The following TAF5L variants were observed in gnomAD, a reference collection of about 807,000 sequenced individuals.
TAF5L encodes TAF5-like RNA polymerase II p300/CBP-associated factor-associated factor 65 kDa subunit 5L.
Under a neutral mutation model 51.3 loss-of-function variants are expected in TAF5L, and 7 were observed. The observed-to-expected ratio is 0.14, with a 90% CI of 0.08 to 0.26. The LOEUF (loss-of-function observed/expected upper bound fraction) is 0.26. Ranked by LOEUF, TAF5L falls within the 10% of genes least tolerant of loss-of-function variation. The probability of loss-of-function intolerance (pLI) is 1.00; values close to 1 mark genes in which losing one functional copy is unlikely to be tolerated. For synonymous variants in TAF5L, 291 were observed against 308.1 expected (o/e 0.94, Z 0.58); for missense variants, 575 against 758.9 (o/e 0.76, Z 2.85).
intron 3 of TAF5L, 136 bp from the exon 4 acceptor site, chr1:229,603,055 A>AT: frequency 1.4e-6 from 2 of 1,402,380 alleles, no homozygotes; most frequent in Admixed American, 6.3e-5. Context: ...TTGAACTATA[A>AT]GCCCAACACA....
chr1:229,600,680 C>T (rs1297457438), intron 4 of TAF5L: 1 of 985,422 alleles, frequency 1.0e-6, no homozygotes, highest in Non-Finnish European at 1.2e-6. Context: ...TCTTTCAGTT[C>T]CTGGAATTCC....
intron 4 of TAF5L, chr1:229,600,713 G>A (rs1664341862): frequency 2.0e-6 from 2 of 985,380 alleles, no homozygotes; most frequent in Non-Finnish European, 2.4e-6. Context: ...TCACTTCTGA[G>A]TCTTCAGATA....
chr1:229,614,332 CACCATT>C lies in TAF5L; in HGVS notation c.142+3_142+8del. The C allele has an allele frequency of 1.9e-6, 3 of 1,614,238 alleles. No homozygotes were observed. The highest frequency in any genetic ancestry group is 2.5e-6 in the Non-Finnish European group (3 of 1,180,046). On this transcript the variant is annotated splice_donor_5th_base_variant and intron_variant, in intron 2 of 4. Coordinates refer to ENST00000258281, the Ensembl canonical transcript of TAF5L. ...AGGCTCACCCCACCAGACGAGCCCCCACCATTACCTGTTAGATTGGCCGCCATCTCT... is the reference window on the plus strand; with the variant it reads ...AGGCTCACCCCACCAGACGAGCCCCCACCTGTTAGATTGGCCGCCATCTCT...
intron 4 of TAF5L, chr1:229,600,150 T>G: frequency 1.0e-6 from 1 of 985,424 alleles, no homozygotes; most frequent in Non-Finnish European, 1.2e-6. Flanking sequence ...GGAGAAACAT[T>G]AAACACCAAC....
chr1:229,599,249 T>G (rs756215207), intron 4 of TAF5L: 56 of 917,944 alleles, frequency 6.1e-5, no homozygotes, highest in Non-Finnish European at 7.1e-5. Flanking sequence ...TAAGCTTACA[T>G]AGAAGATTTT....
At chr1:229,601,372 G>T in intron 4 of TAF5L, 2 of 985,372 alleles carry the variant, frequency 2.0e-6, no homozygotes, top group African/African-American at 3.5e-5. Flanking sequence ...AATTTCAGTG[G>T]TGATAAGACA....
rs1365004783 is a variant in TAF5L at position 229,610,042 on chromosome 1, C to G, written c.247+64G>C. The G allele has an allele frequency of 4.2e-6, 6 of 1,421,130 alleles. No individual in the cohort carries two copies. In the African/African-American group the frequency reaches 7.1e-5, roughly 17 times the overall value. The allele number at this position is 1,421,130 out of a possible 1,614,324, so 88.0% of individuals were successfully genotyped here. ...GCAGGGCTAACTCACAAGCAGTGTG[C>G]CCAAAGTTGGTCTGTATTACTCTGT... On this transcript the variant is annotated intron_variant, in intron 3 of 4. Coordinates refer to ENST00000258281, the Ensembl canonical transcript of TAF5L.
At chr1:229,615,882 T>G (rs1386748259) in intron 1 of TAF5L, among the ~76,000 whole-genome samples, 1 of 152,238 alleles carries the variant, frequency 6.6e-6, no homozygotes, top group Non-Finnish European at 1.5e-5. Flanking sequence ...CAAAGTAACA[T>G]TCTCTAAATC....
chr1:229,610,890 A>G (rs576744597), intron 2 of TAF5L, among the ~76,000 whole-genome samples: 1 of 152,228 alleles, frequency 6.6e-6, no homozygotes, highest in East Asian at 1.9e-4. Context: ...CTTTTCCCCT[A>G]AACACGCTAT....
exon 5 of TAF5L, chr1:229,595,064 T>C (rs773916968): frequency 1.2e-6 from 2 of 1,607,000 alleles, no homozygotes; most frequent in South Asian, 2.2e-5. Context: ...AGTATCTTCA[T>C]CTCCGTGCCT....
intron 1 of TAF5L, among the ~76,000 whole-genome samples, chr1:229,615,671 T>C (rs1331983146): frequency 1.3e-5 from 2 of 151,076 alleles, no homozygotes; most frequent in African/African-American, 4.9e-5. Context: ...TTATCAACAA[T>C]GACAGGAACC....
intron 4 of TAF5L, among the ~76,000 whole-genome samples, chr1:229,596,487 G>A (rs1015236553): frequency 1.3e-5 from 2 of 152,166 alleles, no homozygotes. Flanking sequence ...TTTCTGGAGG[G>A]TCTCAAAAAA....
chr1:229,594,693 C>A lies in TAF5L; in HGVS notation c.1374G>T (p.Gly458=). 6.2e-7 allele frequency: 1 copy of A among 1,614,208 alleles called. No homozygotes were observed. The highest frequency in any genetic ancestry group is 1.1e-5 in the South Asian group (1 of 91,086). The stretch of plus-strand genomic sequence containing the variant: ...GGCCTGTGAAAAGCCTCACCGAGTT[C>A]CCCTGCTGAGCGCTCCACAGCCGGA... The change falls in exon 5 of 5, where the codon GGG becomes GGT. Residue 458 remains glycine, a synonymous_variant. Coordinates refer to ENST00000258281, the Ensembl canonical transcript of TAF5L. The surrounding 1 kb of genome is among the most constrained non-coding windows in gnomAD (Gnocchi z 7.9).
At chr1:229,600,068 T>C (rs1433458816) in intron 4 of TAF5L, 1 of 977,194 alleles carries the variant, frequency 1.0e-6, no homozygotes, top group East Asian at 1.1e-4. Flanking sequence ...ATATTCAATA[T>C]TTCATTTCAA....
At chr1:229,624,067 G>C (rs1558157166) in intron 1 of TAF5L, among the ~76,000 whole-genome samples, 2 of 152,120 alleles carry the variant, frequency 1.3e-5, no homozygotes, top group African/African-American at 2.4e-5. Flanking sequence ...ATGACCCCTA[G>C]AGCTCCCTTC....
chr1:229,614,285 T>C (rs750447662), intron 2 of TAF5L, 56 bp downstream of exon 2: 241 of 1,614,018 alleles, frequency 1.5e-4, no homozygotes, highest in Non-Finnish European at 1.9e-4. Context: ...CACATGGATA[T>C]TGACGTGAGT....
chr1:229,604,842 C>T (rs758116802), intron 3 of TAF5L, among the ~76,000 whole-genome samples: 3 of 152,220 alleles, frequency 2.0e-5, no homozygotes, highest in African/African-American at 4.8e-5. Flanking sequence ...TGTTTTGTTA[C>T]GAATGTTTTG....
chr1:229,606,459 A>T (rs1343595417), intron 3 of TAF5L: 1 of 985,254 alleles, frequency 1.0e-6, no homozygotes, highest in African/African-American at 1.7e-5. Context: ...AGAACAATGG[A>T]GTTTTTCATG....
At chr1:229,598,677 G>A (rs1664225460) in intron 4 of TAF5L, among the ~76,000 whole-genome samples, 1 of 150,424 alleles carries the variant, frequency 6.6e-6, no homozygotes, top group Non-Finnish European at 1.5e-5. Flanking sequence ...ACAGGGGTAA[G>A]GGTTGGATAT....
Sources: gnomAD v4.1 joint callset for allele counts (sites outside exome capture counted in the v4.1 genomes callset) on GRCh38, gnomAD v4.1.1 for gene constraint, Gnocchi (gnomAD v3.1) non-coding constraint, MANE v1.5 for transcripts, NCBI Gene and HGNC (gene_info 2026-07-23, HGNC 2026-07-21) for gene names.